Variants in MTMR10 observed in about 807,000 individuals in gnomAD.
MTMR10 encodes myotubularin-related protein 10.
In MTMR10, 56 loss-of-function variants were observed where a neutral mutation model predicts 88.1. The ratio of observed to expected loss-of-function variants is 0.64; its 90% CI spans 0.51 to 0.79. MTMR10 has a LOEUF of 0.79. MTMR10 is among the 30% of genes least tolerant of loss of function. The pLI is 0.00. For missense variants in MTMR10, 883 were observed against 924.7 expected, an observed-to-expected ratio of 0.95 and a Z score of 0.58; for synonymous variants, 380 against 340.9, an observed-to-expected ratio of 1.11 and a Z score of -1.26.
chr15:30,983,094 A>G (rs2030694709), intron 2 of MTMR10, among the ~76,000 whole-genome samples: 1 of 152,216 alleles, frequency 6.6e-6, no homozygotes, highest in African/African-American at 2.4e-5. Context: ...TTTATGCAGT[A>G]AAAGGGTGGT....
At chr15:30,978,573 C>T (rs61997138) in intron 2 of MTMR10, among the ~76,000 whole-genome samples, 40,351 of 152,108 alleles carry the variant, frequency 0.27, 5,881 homozygotes, top group Non-Finnish European at 0.33. Context: ...CCACTGCTTG[C>T]CTACATATGC....
chr15:30,955,974 A>T (rs2063321596), intron 9 of MTMR10, among the ~76,000 whole-genome samples: 2 of 134,900 alleles, frequency 1.5e-5, no homozygotes, highest in African/African-American at 5.4e-5. Flanking sequence ...ACACCACTTT[A>T]AAAAAACAAA....
chr15:30,979,827 A>AGAAGAG (rs2030435895), intron 2 of MTMR10, among the ~76,000 whole-genome samples: 2 of 152,260 alleles, frequency 1.3e-5, no homozygotes, highest in Admixed American at 1.3e-4. Context: ...GGAGGAGAAT[A>AGAAGAG]TACTTAATGG....
chr15:30,955,470 C>T (rs1232768522), intron 9 of MTMR10, among the ~76,000 whole-genome samples: 4 of 152,136 alleles, frequency 2.6e-5, no homozygotes, highest in Admixed American at 6.5e-5. Context: ...CGGGGTTTCA[C>T]CATGTTGGCC....
Position 30,977,006 on chromosome 15 carries a change from G to C in MTMR10, c.122-51C>G, listed in dbSNP as rs958821627. On this transcript the variant is annotated intron_variant, in intron 2 of 15. Coordinates refer to ENST00000435680, the MANE Select transcript of MTMR10 (RefSeq NM_017762.3). ...AGGTACTTTGTCATAAAATACCAACGGTCTTTGTGGGACCTAGAAGGAGTG... is the reference window on the plus strand; with the variant it reads ...AGGTACTTTGTCATAAAATACCAACCGTCTTTGTGGGACCTAGAAGGAGTG... 2.3e-5 allele frequency: 36 copies of C among 1,544,726 alleles called. No homozygotes were observed. The Admixed American group carries it at 6.0e-4, about 26-fold the overall frequency.
the MTMR10 span, among the ~76,000 whole-genome samples, chr15:30,921,496 A>G: frequency 6.6e-6 from 1 of 152,168 alleles, no homozygotes; most frequent in Non-Finnish European, 1.5e-5. Flanking sequence ...TTATCTCCAG[A>G]CCAGGCATGG....
In MTMR10 at chr15:30,986,235, C is replaced by T. The variant is rs117306922; in HGVS notation, c.121+4542G>A. ...GGGAGGCTGAGCTGTGAGGATCACT[C>T]GAGCCCAGGAGGTTGAAGCTGCAGT... On this transcript the variant is annotated intron_variant, in intron 2 of 15. Transcript: ENST00000435680. 6.0e-3 allele frequency among the ~76,000 whole-genome samples: 916 copies of T among 151,996 alleles called. 6 individuals are homozygous for T. The highest frequency in any genetic ancestry group is 0.02 in the Middle Eastern group (6 of 294).
chr15:30,928,797 C>T, the MTMR10 span: 5 of 1,472,826 alleles, frequency 3.4e-6, no homozygotes, highest in African/African-American at 1.4e-5. Context: ...AAGATGATAA[C>T]TTATTTTAAA....
chr15:30,929,739 T>TAA, the MTMR10 span, among the ~76,000 whole-genome samples: 2 of 32,908 alleles, frequency 6.1e-5, no homozygotes, highest in Non-Finnish European at 9.5e-5. Context: ...ATATAATATA[T>TAA]TATATCATAT....
intron 7 of MTMR10, among the ~76,000 whole-genome samples, chr15:30,959,630 C>T (rs1054200451): frequency 6.6e-6 from 1 of 152,184 alleles, no homozygotes; most frequent in Non-Finnish European, 1.5e-5. Flanking sequence ...CTTCTTTCCC[C>T]GACGTGGCTG....
intron 2 of MTMR10, among the ~76,000 whole-genome samples, chr15:30,979,914 T>C (rs148015109): frequency 1.2e-3 from 187 of 152,356 alleles, no homozygotes; most frequent in African/African-American, 4.3e-3. Context: ...TAGTAAGACA[T>C]AGCCATACTC....
At chr15:30,945,986 G>A (rs939482979) in intron 14 of MTMR10, among the ~76,000 whole-genome samples, 11 of 152,286 alleles carry the variant, frequency 7.2e-5, no homozygotes, top group Middle Eastern at 3.4e-3. Context: ...ACAGGCTGAC[G>A]GTGTTGAGTT....
At chr15:30,974,588 C>T in intron 4 of MTMR10, 132 bp from the exon 5 acceptor site, 1 of 888,658 alleles carries the variant, frequency 1.1e-6, no homozygotes. Context: ...TAGAATGTTT[C>T]ATACTTGTAA....
chr15:30,974,534 T>C lies in MTMR10; in HGVS notation c.332-78A>G, dbSNP rs2029969490. 1.1e-5 allele frequency: 14 copies of C among 1,260,738 alleles called. No homozygotes were observed. In the South Asian group the frequency reaches 2.6e-4, roughly 24 times the overall value. 78.1% of individuals were successfully genotyped at this position (1,260,738 alleles called of 1,614,324 possible). ...CTCACCCTTTAATACAAATTCTTAG[T>C]GAAAATAATTGGAAGGTCACCCAAC... On this transcript the variant is annotated intron_variant, in intron 4 of 15. Transcript: ENST00000435680.
chr15:30,947,050 G>C, intron 14 of MTMR10, 80 bp downstream of exon 14: 1 of 1,436,236 alleles, frequency 7.0e-7, no homozygotes, highest in Non-Finnish European at 9.4e-7. Context: ...TTTTAAATAG[G>C]CAGTGAATTA....
chr15:30,950,281 C>T (rs985443961), intron 12 of MTMR10: 2 of 152,152 alleles, frequency 1.3e-5, no homozygotes, highest in African/African-American at 4.8e-5. Flanking sequence ...TTCAGGATTA[C>T]TTTATATGAC....
intron 5 of MTMR10, among the ~76,000 whole-genome samples, chr15:30,970,758 C>T (rs891043413): frequency 6.6e-6 from 1 of 151,970 alleles, no homozygotes; most frequent in African/African-American, 2.4e-5. Flanking sequence ...CCCAACACAG[C>T]GTATTTTTTA....
chr15:30,953,524 T>C (rs2063279992), intron 11 of MTMR10, 38 bp downstream of exon 11: 3 of 1,458,220 alleles, frequency 2.1e-6, no homozygotes, highest in Non-Finnish European at 2.8e-6. Context: ...TATCTCAAAA[T>C]AAAAAGTTAA....
rs192316094 is a variant in MTMR10, at chr15:30,944,426, C to T, written c.1549-1354G>A. Among the ~76,000 whole-genome samples the T allele has an allele frequency of 4.4e-3, 666 of 151,808 alleles. 6 individuals are homozygous for T. Among genetic ancestry groups the T allele is most frequent in the Middle Eastern group, 0.024 (7 of 294 alleles). On this transcript the variant is annotated intron_variant, in intron 14 of 15. Transcript: ENST00000435680. ...ACTAAAAATACAAAAATTAGCCAGG[C>T]ATGGTGGTGTGCACCTGTAGTCCCA...
Sources: allele counts gnomAD v4.1 joint callset (sites outside exome capture counted in the v4.1 genomes callset), GRCh38; gene constraint gnomAD v4.1.1; transcripts MANE v1.5; gene names NCBI Gene and HGNC (gene_info 2026-07-23, HGNC 2026-07-21).